Variants in WBP4 observed in about 807,000 individuals in gnomAD.
WBP4 encodes the protein WW domain binding protein 4, also known as WW domain-binding protein 4.
WBP4 carries 37 observed loss-of-function variants against 55.4 expected under a neutral mutation model. The ratio of observed to expected loss-of-function variants is 0.67; its 90% CI spans 0.51 to 0.88. WBP4 has a LOEUF of 0.88. Among genes scored for constraint, WBP4 ranks in the 40% least tolerant of loss-of-function variants. WBP4 has a pLI of 0.00. For missense variants in WBP4, 398 were observed against 420.8 expected (o/e 0.95, Z 0.47); for synonymous variants, 142 against 140.2 (o/e 1.01, Z -0.09).
At chr13:41,079,972 A>T (rs951095990) in intron 8 of WBP4, among the ~76,000 whole-genome samples, 5 of 152,052 alleles carry the variant, frequency 3.3e-5, no homozygotes, top group Non-Finnish European at 7.4e-5. Context: ...CTCAAAGTCA[A>T]ATACTACATG....
At chr13:41,076,366 C>T in intron 8 of WBP4, 129 bp downstream of exon 8, 1 of 712,112 alleles carries the variant, frequency 1.4e-6, no homozygotes, top group Non-Finnish European at 2.1e-6. Context: ...GTAACCTCCA[C>T]CTTCCGGGTT....
intron 4 of WBP4, 72 bp from the exon 5 acceptor site, chr13:41,068,486 CATT>C (rs1878077011): frequency 2.9e-6 from 4 of 1,374,702 alleles, no homozygotes; most frequent in Middle Eastern, 1.9e-4. Flanking sequence ...ATTGGAATAA[CATT>C]AATGTTTTAT....
chr13:41,078,877 A>G (rs1431430392), intron 8 of WBP4, among the ~76,000 whole-genome samples: 3 of 152,298 alleles, frequency 2.0e-5, no homozygotes, highest in African/African-American at 7.2e-5. Context: ...GAAATCTAGG[A>G]AAAACTCATC....
At chr13:41,078,686 G>A (rs973502581) in intron 8 of WBP4, among the ~76,000 whole-genome samples, 2 of 152,114 alleles carry the variant, frequency 1.3e-5, no homozygotes, top group South Asian at 2.1e-4. Context: ...AATTAGCTGG[G>A]TGTCCTGGCG....
chr13:41,069,551 A>G (rs748548742), intron 5 of WBP4, among the ~76,000 whole-genome samples: 1 of 152,062 alleles, frequency 6.6e-6, no homozygotes, highest in African/African-American at 2.4e-5. Context: ...AGTCCCAGCT[A>G]CTTGGGAGGC....
intron 1 of WBP4, chr13:41,062,334 A>C: frequency 2.1e-6 from 2 of 951,010 alleles, no homozygotes; most frequent in Non-Finnish European, 2.5e-6. Context: ...CAAAGCCAGA[A>C]AGGATAAATG....
chr13:41,066,182 A>G (rs1418397269), intron 4 of WBP4, among the ~76,000 whole-genome samples: 2 of 152,350 alleles, frequency 1.3e-5, no homozygotes, highest in African/African-American at 4.8e-5. Context: ...AGAATTAGGA[A>G]TAGATGAGAG....
chr13:41,075,889 G>C (rs1005131556), intron 7 of WBP4, among the ~76,000 whole-genome samples, 155 bp from the exon 8 acceptor site: 1 of 152,130 alleles, frequency 6.6e-6, no homozygotes, highest in African/African-American at 2.4e-5. Context: ...ACAAGAGCAA[G>C]AGGTTTGAGA....
chr13:41,066,183 T>C (rs996438957), intron 4 of WBP4, among the ~76,000 whole-genome samples: 9 of 152,222 alleles, frequency 5.9e-5, no homozygotes, highest in African/African-American at 2.2e-4. Flanking sequence ...GAATTAGGAA[T>C]AGATGAGAGT....
intron 8 of WBP4, among the ~76,000 whole-genome samples, chr13:41,079,093 G>T (rs974487303): frequency 6.6e-5 from 10 of 151,950 alleles, no homozygotes; most frequent in African/African-American, 2.4e-4. Flanking sequence ...AATCCGCAAG[G>T]GACTCAACAA....
At chr13:41,068,105 G>A (rs994003257) in intron 4 of WBP4, among the ~76,000 whole-genome samples, 3 of 151,924 alleles carry the variant, frequency 2.0e-5, no homozygotes, top group Admixed American at 6.6e-5. Flanking sequence ...TGCATATATT[G>A]CATAGTGATG....
In WBP4 at chr13:41,062,818, C is replaced by G. The variant is rs949967752; in HGVS notation, c.75+102C>G. 4.2e-5 allele frequency: 40 copies of G among 952,084 alleles called. No homozygotes were observed. The Admixed American group carries it at 7.0e-4, about 17-fold the overall frequency. The allele number at this position is 952,084 out of a possible 1,614,324, so 59.0% of individuals were successfully genotyped here. A position where few individuals can be genotyped will look rare whatever the true frequency, so the allele number is the denominator to read the frequency against. On this transcript the variant is annotated intron_variant, in intron 2 of 9. Coordinates refer to ENST00000379487, the MANE Select transcript of WBP4 (RefSeq NM_007187.5). The stretch of plus-strand genomic sequence containing the variant: ...TTACAAAGCACTTTTATGTACATTG[C>G]TCTTGCATTTTCAAAACATCAGAAG...
chr13:41,065,393 T>G, intron 4 of WBP4, 106 bp downstream of exon 4: 1 of 1,407,198 alleles, frequency 7.1e-7, no homozygotes, highest in Non-Finnish European at 9.3e-7. Context: ...ATAAACTCAG[T>G]GTACTCTCAG....
intron 4 of WBP4, among the ~76,000 whole-genome samples, chr13:41,067,280 G>T (rs78821772): frequency 6.6e-6 from 1 of 152,112 alleles, no homozygotes; most frequent in East Asian, 1.9e-4. Flanking sequence ...TCAAAGCAAT[G>T]TAAATACCTG....
intron 8 of WBP4, among the ~76,000 whole-genome samples, chr13:41,078,424 A>G (rs2138481523): frequency 6.6e-6 from 1 of 152,338 alleles, no homozygotes; most frequent in South Asian, 2.1e-4. Context: ...GATCCTGGGA[A>G]AACTGGCTAG....
rs1235993323 is a variant in WBP4, at chr13:41,081,336, C to CA, written c.920+539dup. 2.7e-3 allele frequency among the ~76,000 whole-genome samples: 385 copies of CA among 140,610 alleles called. 1 individual carries two copies. The highest frequency in any genetic ancestry group is 7.5e-3 in the Middle Eastern group (2 of 268). 92.2% of individuals were successfully genotyped at this position (140,610 alleles called of 152,430 possible). On this transcript the variant is annotated intron_variant, in intron 9 of 9. Transcript: ENST00000379487. ...CAACATGGCAAAACTTTCTCTCTAC[C>CA]AAAAAAAAAAAACTTAGCAGGGAAT...
Position 41,068,675 on chromosome 13 carries a change from G to T in WBP4, c.377G>T (p.Gly126Val). ...AAAAGAAAAAAAGATCCTTCAAAGG[G>T]CAGATGGGTAGAAGGCATAACCTCT... ...KKKRKKDPSK[G>V]RWVEGITSEG... The change falls in exon 5 of 10, where the codon GGC becomes GTC. Residue 126 changes from glycine to valine, a missense_variant. Coordinates refer to ENST00000379487, the MANE Select transcript of WBP4 (RefSeq NM_007187.5). The T allele has an allele frequency of 1.9e-6, 3 of 1,613,532 alleles. No homozygotes were observed. The South Asian group carries it at 3.3e-5, about 18-fold the overall frequency.
At chr13:41,069,728 A>AAG (rs35083712) in intron 5 of WBP4, among the ~76,000 whole-genome samples, 6 of 129,282 alleles carry the variant, frequency 4.6e-5, no homozygotes, top group Non-Finnish European at 1.0e-4. Flanking sequence ...AAAAAAAAAA[A>AAG]GTAGCCAAGC....
intron 4 of WBP4, 41 bp from the exon 5 acceptor site, chr13:41,068,520 G>A (rs1435901596): frequency 1.4e-6 from 2 of 1,471,386 alleles, no homozygotes; most frequent in East Asian, 2.4e-5. Flanking sequence ...ATAAAAAATA[G>A]TAGTTACTAT....
Sources: allele counts gnomAD v4.1 joint callset (sites outside exome capture counted in the v4.1 genomes callset), GRCh38; gene constraint gnomAD v4.1.1; transcripts MANE v1.5; gene names NCBI Gene and HGNC (gene_info 2026-07-23, HGNC 2026-07-21).